The following LARP4B variants were observed in gnomAD, a reference collection of about 807,000 sequenced individuals.
The protein encoded by LARP4B is La ribonucleoprotein 4B.
LARP4B carries 12 observed loss-of-function variants against 89.8 expected under a neutral mutation model. The ratio of observed to expected loss-of-function variants is 0.13; its 90% CI spans 0.09 to 0.22. The LOEUF (loss-of-function observed/expected upper bound fraction) is 0.22. Among genes scored for constraint, LARP4B ranks in the 10% least tolerant of loss-of-function variants. The probability of loss-of-function intolerance (pLI) is 1.00; values close to 1 mark genes in which losing one functional copy is unlikely to be tolerated. For synonymous variants in LARP4B, 367 were observed against 363.3 expected, an observed-to-expected ratio of 1.01 and a Z score of -0.12; for missense variants, 757 against 947.7, an observed-to-expected ratio of 0.80 and a Z score of 2.64.
rs536882873 is a variant in LARP4B, at chr10:840,775, T to C, written c.646+2157A>G. ...ATCATTCAGACAATCTTGAGTTTAA[T>C]TTGTAAAAAGATAAAATTAAATATT... On this transcript the variant is annotated intron_variant, in intron 7 of 17. Coordinates refer to ENST00000316157, the MANE Select transcript of LARP4B (RefSeq NM_015155.3). 2.6e-5 allele frequency among the ~76,000 whole-genome samples: 4 copies of C among 152,348 alleles called. No individual in the cohort carries two copies. The East Asian group carries it at 7.7e-4, about 29-fold the overall frequency.
chr10:852,935 C>T (rs1249767966), intron 5 of LARP4B, among the ~76,000 whole-genome samples: 1 of 152,040 alleles, frequency 6.6e-6, no homozygotes, highest in African/African-American at 2.4e-5. Flanking sequence ...ACACTGAAAA[C>T]CAAAAAATAC....
the LARP4B span, among the ~76,000 whole-genome samples, chr10:980,804 T>A: frequency 6.6e-6 from 1 of 152,244 alleles, no homozygotes; most frequent in Non-Finnish European, 1.5e-5. Flanking sequence ...TTTGGCTCGC[T>A]TTTAGTTATG....
intron 14 of LARP4B, chr10:820,497 C>T (rs894386541): frequency 1.2e-5 from 4 of 323,364 alleles, no homozygotes; most frequent in Admixed American, 4.6e-5. Context: ...GAAGAGCTCA[C>T]GTGCACACCC....
intron 11 of LARP4B, among the ~76,000 whole-genome samples, chr10:826,854 T>C (rs571509979): frequency 3.9e-5 from 6 of 152,332 alleles, no homozygotes; most frequent in African/African-American, 1.2e-4. Context: ...TAGAGCTAAC[T>C]GGAAGATATA....
chr10:909,895 A>G (rs560509119), intron 1 of LARP4B, among the ~76,000 whole-genome samples: 1 of 152,208 alleles, frequency 6.6e-6, no homozygotes, highest in East Asian at 1.9e-4. Flanking sequence ...CATCCTATAA[A>G]CAAATTGGAT....
At chr10:960,054 GA>G in the LARP4B span, among the ~76,000 whole-genome samples, 1 of 152,178 alleles carries the variant, frequency 6.6e-6, no homozygotes, top group Non-Finnish European at 1.5e-5. Flanking sequence ...TTCAACAATA[GA>G]AAGAATGAGC....
intron 7 of LARP4B, among the ~76,000 whole-genome samples, chr10:837,560 C>A (rs545741393): frequency 6.6e-6 from 1 of 152,190 alleles, no homozygotes; most frequent in Admixed American, 6.5e-5. Context: ...CTCACTATAA[C>A]GTTACAGTGA....
chr10:859,077 G>A (rs1834454998), intron 5 of LARP4B, among the ~76,000 whole-genome samples: 1 of 152,142 alleles, frequency 6.6e-6, no homozygotes, highest in African/African-American at 2.4e-5. Context: ...TCAGGAGTTT[G>A]AGACCAGACT....
chr10:934,981 C>G (rs1830728482), upstream of LARP4B, among the ~76,000 whole-genome samples: 1 of 152,180 alleles, frequency 6.6e-6, no homozygotes, highest in African/African-American at 2.4e-5. Context: ...TCACCGGCTC[C>G]CCGTTGCCTG....
At chr10:907,446 G>C (rs1476816625) in intron 1 of LARP4B, among the ~76,000 whole-genome samples, 1 of 152,144 alleles carries the variant, frequency 6.6e-6, no homozygotes, top group African/African-American at 2.4e-5. Flanking sequence ...TTATTCTCTA[G>C]ACTTTGTATA....
At chr10:915,832 C>CA (rs71297915) in intron 1 of LARP4B, among the ~76,000 whole-genome samples, 2,939 of 74,432 alleles carry the variant, frequency 0.039, 83 homozygotes, top group African/African-American at 0.11. Context: ...GACTCCGCCT[C>CA]AAAAAAAAAA....
chr10:808,714 G>A (rs1831632144), downstream of LARP4B: 2 of 148,330 alleles, frequency 1.3e-5, no homozygotes, highest in African/African-American at 5.1e-5. Flanking sequence ...AGGCCCAGCT[G>A]GATTAAAAGC....
chr10:940,817 T>G, the LARP4B span, among the ~76,000 whole-genome samples: 1 of 152,174 alleles, frequency 6.6e-6, no homozygotes, highest in African/African-American at 2.4e-5. Context: ...CTGCGAGACT[T>G]TGAAAAGATG....
chr10:858,553 T>C (rs1237689510), intron 5 of LARP4B, among the ~76,000 whole-genome samples: 1 of 152,170 alleles, frequency 6.6e-6, no homozygotes, highest in Non-Finnish European at 1.5e-5. Flanking sequence ...CTGAACATTA[T>C]GAACATTTTA....
At chr10:897,087 G>C (rs1338388663) in intron 1 of LARP4B, among the ~76,000 whole-genome samples, 1 of 148,020 alleles carries the variant, frequency 6.8e-6, no homozygotes, top group Non-Finnish European at 1.5e-5. Context: ...TCTTGAGAAA[G>C]AATAAAATTG....
chr10:971,217 CTT>C, the LARP4B span: 4 of 152,184 alleles, frequency 2.6e-5, no homozygotes, highest in African/African-American at 4.8e-5. Flanking sequence ...GGAAAAGAAA[CTT>C]TTCCTTCCTT....
chr10:818,466 A>G (rs1306251898), intron 14 of LARP4B: 2 of 152,274 alleles, frequency 1.3e-5, no homozygotes, highest in Non-Finnish European at 2.9e-5. Flanking sequence ...GAAAGTTTAT[A>G]TTTTTAAATA....
chr10:831,931 C>T (rs1005281065), intron 8 of LARP4B, among the ~76,000 whole-genome samples: 1 of 152,140 alleles, frequency 6.6e-6, no homozygotes, highest in Admixed American at 6.5e-5. Context: ...ATGACAGATA[C>T]GATAGACTTA....
At chr10:964,877 G>A in the LARP4B span, among the ~76,000 whole-genome samples, 7 of 152,304 alleles carry the variant, frequency 4.6e-5, no homozygotes, top group South Asian at 2.1e-4. Flanking sequence ...GCTCTGAGGC[G>A]GTGGACAAGA....
Sources: allele counts gnomAD v4.1 joint callset (sites outside exome capture counted in the v4.1 genomes callset), GRCh38; gene constraint gnomAD v4.1.1; transcripts MANE v1.5; gene names NCBI Gene and HGNC (gene_info 2026-07-23, HGNC 2026-07-21).